The following RIMS1 variants were observed in gnomAD, a reference collection of about 807,000 sequenced individuals.
The protein encoded by RIMS1 is regulating synaptic membrane exocytosis 1.
A neutral mutation model predicts 214.1 loss-of-function variants in RIMS1; 83 were observed. The ratio of observed to expected loss-of-function variants is 0.39; its 90% CI spans 0.32 to 0.47. The LOEUF is 0.47. RIMS1 is among the 20% of genes least tolerant of loss of function. RIMS1 has a pLI of 0.99. For missense variants in RIMS1, 2,050 were observed against 2,161.8 expected, an observed-to-expected ratio of 0.95 and a Z score of 1.03; for synonymous variants, 793 against 786.8, an observed-to-expected ratio of 1.01 and a Z score of -0.13.
At chr6:72,099,430 C>T (rs540128758) in intron 3 of RIMS1, among the ~76,000 whole-genome samples, 4 of 152,000 alleles carry the variant, frequency 2.6e-5, no homozygotes, top group Non-Finnish European at 5.9e-5. Flanking sequence ...CTATAACAAA[C>T]GTTGAAATGT....
At chr6:71,992,438 C>CTT (rs770693998) in intron 2 of RIMS1, among the ~76,000 whole-genome samples, 28 of 145,226 alleles carry the variant, frequency 1.9e-4, no homozygotes, top group Admixed American at 1.7e-3. Flanking sequence ...TTCTTTCTTT[C>CTT]TTTCTTTCTT....
chr6:72,114,567 CT>C (rs1410847765), intron 4 of RIMS1, among the ~76,000 whole-genome samples: 1 of 151,786 alleles, frequency 6.6e-6, no homozygotes, highest in African/African-American at 2.4e-5. Flanking sequence ...CTTCACTTTG[CT>C]GTTTGCTTGG....
At chr6:72,292,625 G>A (rs1445268231) in intron 26 of RIMS1, among the ~76,000 whole-genome samples, 2 of 151,922 alleles carry the variant, frequency 1.3e-5, no homozygotes, top group Non-Finnish European at 2.9e-5. Context: ...GAATGTATAC[G>A]GTCTGATTTT....
At chr6:72,063,851 T>C (rs769584068) in intron 2 of RIMS1, among the ~76,000 whole-genome samples, 7 of 152,234 alleles carry the variant, frequency 4.6e-5, no homozygotes, top group Non-Finnish European at 1.0e-4. Context: ...GGATGGCTTC[T>C]GGAAGCAAGA....
chr6:72,221,000 T>A (rs906370335), intron 6 of RIMS1, among the ~76,000 whole-genome samples: 2 of 152,038 alleles, frequency 1.3e-5, no homozygotes, highest in Non-Finnish European at 2.9e-5. Context: ...CTCTAAAACA[T>A]CTATTTAATC....
intron 1 of RIMS1, among the ~76,000 whole-genome samples, chr6:71,953,687 G>A (rs1790333682): frequency 6.6e-6 from 1 of 151,992 alleles, no homozygotes; most frequent in South Asian, 2.1e-4. Context: ...TTACCTATTA[G>A]AATAACAGTA....
intron 1 of RIMS1, among the ~76,000 whole-genome samples, chr6:71,967,325 T>C (rs1015057391): frequency 1.3e-5 from 2 of 152,080 alleles, no homozygotes; most frequent in Non-Finnish European, 2.9e-5. Context: ...GAGATGGAGC[T>C]TGCAGTGAGT....
intron 6 of RIMS1, among the ~76,000 whole-genome samples, chr6:72,230,104 T>A (rs1468254885): frequency 6.6e-6 from 1 of 151,796 alleles, no homozygotes; most frequent in Non-Finnish European, 1.5e-5. Context: ...TAATTGTGAT[T>A]TTTGGTCTGT....
At chr6:72,287,075 G>A (rs2092460918) in intron 24 of RIMS1, among the ~76,000 whole-genome samples, 1 of 152,178 alleles carries the variant, frequency 6.6e-6, no homozygotes, top group Non-Finnish European at 1.5e-5. Flanking sequence ...TCACCCTTGA[G>A]AACTGCTGCC....
intron 2 of RIMS1, among the ~76,000 whole-genome samples, chr6:72,073,194 T>C (rs552160220): frequency 1.8e-4 from 27 of 152,162 alleles, no homozygotes; most frequent in Non-Finnish European, 3.4e-4. Context: ...GGTTTTGTTT[T>C]TGTGTTTTAG....
chr6:72,182,818 G>T lies in RIMS1; in HGVS notation c.1347G>T (p.Pro449=). The T allele has an allele frequency of 6.5e-7, 1 of 1,549,674 alleles. No individual in the cohort carries two copies. The highest frequency in any genetic ancestry group is 8.7e-7 in the Non-Finnish European group (1 of 1,150,202). ...PGAKQLTNHS[P]PAPRHGPVPA... ...CCAAGCAGCTAACGAACCACAGCCC[G>T]CCGGCGCCCAGACATGGGCCGGTTC... Residue 449 remains proline (P), a synonymous_variant, in exon 6 of 34, where the codon CCG becomes CCT. Coordinates refer to ENST00000521978, the MANE Select transcript of RIMS1 (RefSeq NM_014989.7).
chr6:72,277,457 C>T (rs984371597), intron 23 of RIMS1, among the ~76,000 whole-genome samples: 2 of 152,018 alleles, frequency 1.3e-5, no homozygotes, highest in African/African-American at 4.8e-5. Flanking sequence ...TGGCAGGCGC[C>T]TGTAGTCCCA....
chr6:72,357,414 A>G (rs2097682276), intron 29 of RIMS1, among the ~76,000 whole-genome samples: 2 of 152,214 alleles, frequency 1.3e-5, no homozygotes, highest in South Asian at 2.1e-4. Context: ...GGAATATTTT[A>G]TGGGTAGAAT....
At chr6:71,958,057 T>C (rs951800892) in intron 1 of RIMS1, among the ~76,000 whole-genome samples, 2 of 152,120 alleles carry the variant, frequency 1.3e-5, no homozygotes, top group African/African-American at 4.8e-5. Context: ...TAGAGTTGCT[T>C]TGAGGATCAA....
At chr6:71,963,636 A>C (rs1793600211) in intron 1 of RIMS1, among the ~76,000 whole-genome samples, 1 of 152,192 alleles carries the variant, frequency 6.6e-6, no homozygotes. Flanking sequence ...TAAATAGGTC[A>C]TATTCTGTGA....
chr6:71,895,940 A>AC (rs1193603323), intron 1 of RIMS1, among the ~76,000 whole-genome samples: 2 of 152,150 alleles, frequency 1.3e-5, no homozygotes, highest in Admixed American at 1.3e-4. Context: ...AAGTAAAGTA[A>AC]CCAAATGGCT....
chr6:72,197,191 C>G (rs2051135327), intron 6 of RIMS1, among the ~76,000 whole-genome samples: 1 of 152,100 alleles, frequency 6.6e-6, no homozygotes, highest in Non-Finnish European at 1.5e-5. Flanking sequence ...ATACTCTATT[C>G]ACAAATGTCA....
intron 23 of RIMS1, among the ~76,000 whole-genome samples, chr6:72,278,199 A>G (rs958797096): frequency 7.1e-6 from 1 of 141,360 alleles, no homozygotes; most frequent in Non-Finnish European, 1.6e-5. Flanking sequence ...ATCTATCTAT[A>G]TATGATTTTT....
intron 28 of RIMS1, among the ~76,000 whole-genome samples, chr6:72,332,603 T>C (rs575557884): frequency 1.2e-4 from 17 of 146,776 alleles, no homozygotes; most frequent in Non-Finnish European, 1.5e-4. Context: ...AGTTAATGGG[T>C]GCAGCACACC....
Sources: gnomAD v4.1 joint callset for allele counts (sites outside exome capture counted in the v4.1 genomes callset) on GRCh38, gnomAD v4.1.1 for gene constraint, MANE v1.5 for transcripts, NCBI Gene and HGNC (gene_info 2026-07-23, HGNC 2026-07-21) for gene names.